EPHX4: variants seen among roughly 807,000 people sequenced by gnomAD.
The protein encoded by EPHX4 is epoxide hydrolase 4.
A neutral mutation model predicts 44.9 loss-of-function variants in EPHX4; 31 were observed. That is an observed-to-expected ratio of 0.69 (90% CI 0.52 to 0.93). The LOEUF (loss-of-function observed/expected upper bound fraction) is 0.93, where lower values mean the gene tolerates loss of function less well. EPHX4 is among the 40% of genes least tolerant of loss of function. The pLI is 0.00. For synonymous variants in EPHX4, 151 were observed against 159.7 expected (o/e 0.95, Z 0.41); for missense variants, 373 against 438.1 (o/e 0.85, Z 1.33).
At chr1:92,045,041 C>A (rs1484981177) in intron 3 of EPHX4, among the ~76,000 whole-genome samples, 1 of 152,178 alleles carries the variant, frequency 6.6e-6, no homozygotes, top group Non-Finnish European at 1.5e-5. Flanking sequence ...TGGCTCACTG[C>A]AGCCTTGAAG....
chr1:92,044,828 C>T (rs922851197), intron 3 of EPHX4, among the ~76,000 whole-genome samples: 1 of 151,986 alleles, frequency 6.6e-6, no homozygotes, highest in Non-Finnish European at 1.5e-5. Context: ...AAAAAAAAAC[C>T]AAATAATCTT....
At chr1:92,030,441 T>C in intron 1 of EPHX4, 131 bp downstream of exon 1, 1 of 686,128 alleles carries the variant, frequency 1.5e-6, no homozygotes, top group Non-Finnish European at 2.3e-6. Context: ...GGAGGAGGGG[T>C]TGGGTCCCTG....
At chr1:92,058,434 C>T (rs56284830) in intron 6 of EPHX4, among the ~76,000 whole-genome samples, 6,193 of 150,082 alleles carry the variant, frequency 0.041, 150 homozygotes, top group African/African-American at 0.069. Flanking sequence ...AGAGCGAAAC[C>T]CCGTCTCAGA....
intron 2 of EPHX4, among the ~76,000 whole-genome samples, chr1:92,041,917 CA>C (rs1688513976): frequency 6.6e-6 from 1 of 152,096 alleles, no homozygotes; most frequent in South Asian, 2.1e-4. Flanking sequence ...GGTGTGGTGG[CA>C]CATGCCTGTA....
At position 92,044,742 on chromosome 1, in the gene EPHX4, G is replaced by A. The variant is rs537141410; in HGVS notation, c.476-790G>A. Among the ~76,000 whole-genome samples, 12 of 152,084 alleles carry A rather than the reference G, an allele frequency of 7.9e-5. No homozygotes were observed. In the South Asian group the frequency reaches 2.1e-3, roughly 26 times the overall value. The stretch of plus-strand genomic sequence containing the variant: ...GTTAGGGAAGAGATAGATGCTTCCT[G>A]GAAATAAAGATTTATGAGGTTGGAC... On this transcript the variant is annotated intron_variant, in intron 3 of 6. Coordinates refer to ENST00000370383, the MANE Select transcript of EPHX4 (RefSeq NM_173567.5).
chr1:92,055,111 A>G (rs1342062542), intron 6 of EPHX4, among the ~76,000 whole-genome samples: 1 of 152,206 alleles, frequency 6.6e-6, no homozygotes, highest in Non-Finnish European at 1.5e-5. Flanking sequence ...ATTTAAAACT[A>G]TCAAAAAGGC....
At chr1:92,043,233 C>A in intron 3 of EPHX4, 1 of 279,306 alleles carries the variant, frequency 3.6e-6, no homozygotes, top group Non-Finnish European at 6.7e-6. Flanking sequence ...CCTAATGGCC[C>A]GGGTGCTGTG....
At chr1:92,049,780 T>G (rs577243150) in intron 4 of EPHX4, among the ~76,000 whole-genome samples, 18 of 152,284 alleles carry the variant, frequency 1.2e-4, no homozygotes, top group African/African-American at 4.3e-4. Context: ...GAGTCAAGAT[T>G]TCATAAAGTG....
In EPHX4 at chr1:92,030,011, G is replaced by C. The variant is rs1688329180; in HGVS notation, c.-69G>C. On this transcript the variant is annotated 5_prime_UTR_variant, in exon 1 of 7. Coordinates refer to ENST00000370383, the MANE Select transcript of EPHX4 (RefSeq NM_173567.5). ...CGCGTCGAGAGGCGACGGCGGGCTG[G>C]CCTGGCGCGCTGCGGCGCTCGCTCA... 1 of 1,225,126 alleles carries C rather than the reference G, an allele frequency of 8.2e-7. No homozygotes were observed. The highest frequency in any genetic ancestry group is 3.2e-5 in the East Asian group (1 of 31,382). The allele number at this position is 1,225,126 out of a possible 1,614,324, so 75.9% of individuals were successfully genotyped here. A position where few individuals can be genotyped will look rare whatever the true frequency, so the allele number is the denominator to read the frequency against.
At position 92,030,303 on chromosome 1, in the gene EPHX4, G is replaced by C; in HGVS notation, c.224G>C (p.Arg75Pro). 1 of 1,564,594 alleles carries C rather than the reference G, an allele frequency of 6.4e-7. No homozygotes were observed. Among genetic ancestry groups the C allele is most frequent in the African/African-American group, 1.4e-5 (1 of 72,862 alleles). ...TCCTTGGGCACCCACTGCTACGTGC[G>C]GATCAAGGTGAAGGGCCGCGCGGGC... Reference protein sequence around the residue: ...DPSLGTHCYVRIKDSGLRFHY... With the variant: ...DPSLGTHCYVPIKDSGLRFHY... Residue 75 changes from arginine (R) to proline (P), a missense_variant, in exon 1 of 7, where the codon CGG becomes CCG. By Grantham distance (103) the Arg-to-Pro change is moderately radical. Coordinates refer to ENST00000370383, the MANE Select transcript of EPHX4 (RefSeq NM_173567.5).
intron 3 of EPHX4, 129 bp downstream of exon 3, chr1:92,043,109 G>A: frequency 1.3e-6 from 1 of 743,988 alleles, no homozygotes; most frequent in Non-Finnish European, 2.1e-6. Flanking sequence ...TGTCACTATG[G>A]TTTCAGTTAG....
At chr1:92,033,528 G>A (rs1688391219) in intron 2 of EPHX4, among the ~76,000 whole-genome samples, 1 of 152,130 alleles carries the variant, frequency 6.6e-6, no homozygotes, top group Non-Finnish European at 1.5e-5. Flanking sequence ...GGGGTGAGGA[G>A]AAGGCAGAGT....
At chr1:92,035,699 A>G (rs1377863644) in intron 2 of EPHX4, among the ~76,000 whole-genome samples, 1 of 152,162 alleles carries the variant, frequency 6.6e-6, no homozygotes, top group Non-Finnish European at 1.5e-5. Flanking sequence ...GTTTTCTGCA[A>G]CTATCAACCC....
intron 5 of EPHX4, among the ~76,000 whole-genome samples, chr1:92,050,808 A>T (rs1647236457): frequency 6.6e-6 from 1 of 151,542 alleles, no homozygotes; most frequent in Non-Finnish European, 1.5e-5. Context: ...GTCATATGCA[A>T]GTATCTTGGA....
At chr1:92,033,318 A>G (rs903519245) in intron 2 of EPHX4, among the ~76,000 whole-genome samples, 2 of 152,184 alleles carry the variant, frequency 1.3e-5, no homozygotes, top group Admixed American at 1.3e-4. Context: ...AAAAAGACCT[A>G]CCTGCTACCA....
chr1:92,052,371 A>G, intron 5 of EPHX4, 139 bp from the exon 6 acceptor site: 1 of 735,176 alleles, frequency 1.4e-6, no homozygotes, highest in Non-Finnish European at 2.2e-6. Context: ...TGTATAAACA[A>G]TGAGATCTCA....
chr1:92,046,719 C>T (rs928822751), intron 4 of EPHX4, among the ~76,000 whole-genome samples: 4 of 152,198 alleles, frequency 2.6e-5, no homozygotes, highest in Admixed American at 6.5e-5. Context: ...GCCTCAGCCT[C>T]CTAAAGTGCT....
At chr1:92,045,453 G>A (rs1371357662) in intron 3 of EPHX4, 79 bp from the exon 4 acceptor site, 4 of 1,524,092 alleles carry the variant, frequency 2.6e-6, no homozygotes, top group African/African-American at 1.4e-5. Context: ...TACTTCAGAA[G>A]TATAACTATT....
intron 3 of EPHX4, 89 bp downstream of exon 3, chr1:92,043,069 AT>A: frequency 9.3e-7 from 1 of 1,070,506 alleles, no homozygotes; most frequent in Non-Finnish European, 1.3e-6. Flanking sequence ...GGGAGGATGC[AT>A]ATTCCATCTA....
Sources: allele counts gnomAD v4.1 joint callset (sites outside exome capture counted in the v4.1 genomes callset), GRCh38; gene constraint gnomAD v4.1.1; transcripts MANE v1.5; gene names NCBI Gene and HGNC (gene_info 2026-07-23, HGNC 2026-07-21).